The following NEGR1 variants were observed in gnomAD, a reference collection of about 807,000 sequenced individuals.
The protein encoded by NEGR1 is IgLON family member 4.
NEGR1 carries 10 observed loss-of-function variants against 40.9 expected under a neutral mutation model. The observed-to-expected ratio is 0.24, with a 90% CI of 0.15 to 0.42. The LOEUF (loss-of-function observed/expected upper bound fraction) is 0.42. Among genes scored for constraint, NEGR1 ranks in the 10% least tolerant of loss-of-function variants. The pLI, the probability that NEGR1 is intolerant of heterozygous loss-of-function variation, is 1.00. For missense variants in NEGR1, 352 were observed against 438.9 expected (o/e 0.80, Z 1.77); for synonymous variants, 185 against 166.8 (o/e 1.11, Z -0.84).
chr1:71,897,096 AAAG>A (rs1221791251), intron 2 of NEGR1, among the ~76,000 whole-genome samples: 1 of 152,142 alleles, frequency 6.6e-6, no homozygotes, highest in African/African-American at 2.4e-5. Flanking sequence ...CACAGTTAAT[AAAG>A]TAGTTGCTGA....
At chr1:71,983,023 G>A (rs1305614532) in intron 1 of NEGR1, among the ~76,000 whole-genome samples, 4 of 151,972 alleles carry the variant, frequency 2.6e-5, no homozygotes, top group Non-Finnish European at 5.9e-5. Flanking sequence ...AAACAAAACT[G>A]CTGCACATGC....
At chr1:71,825,970 T>C (rs1011923262) in intron 2 of NEGR1, among the ~76,000 whole-genome samples, 12 of 151,882 alleles carry the variant, frequency 7.9e-5, no homozygotes, top group African/African-American at 1.4e-4. Context: ...CTCTCACATA[T>C]AGAATTTTCA....
intron 6 of NEGR1, among the ~76,000 whole-genome samples, chr1:71,569,229 T>G (rs1438224183): frequency 6.6e-6 from 1 of 152,110 alleles, no homozygotes; most frequent in Non-Finnish European, 1.5e-5. Flanking sequence ...AAGGATCCTT[T>G]TTAAGCCTAT....
chr1:72,237,093 C>G (rs1654573651), intron 1 of NEGR1, among the ~76,000 whole-genome samples: 1 of 151,746 alleles, frequency 6.6e-6, no homozygotes, highest in Non-Finnish European at 1.5e-5. Flanking sequence ...AAAATATGTT[C>G]ACAAATTCTA....
intron 1 of NEGR1, among the ~76,000 whole-genome samples, chr1:72,153,404 A>G (rs773813703): frequency 6.6e-6 from 1 of 151,960 alleles, no homozygotes; most frequent in Non-Finnish European, 1.5e-5. Flanking sequence ...TCCAAACTGT[A>G]TCATGATAGC....
chr1:72,156,085 AG>A lies in NEGR1; in HGVS notation c.176+126233del, dbSNP rs369827762. 5.7e-3 allele frequency among the ~76,000 whole-genome samples: 872 copies of A among 151,986 alleles called. 9 individuals carry two copies. The Middle Eastern group carries it at 0.058, about 10-fold the overall frequency. On this transcript the variant is annotated intron_variant, in intron 1 of 6. Transcript: ENST00000357731. ...TGAAAAAGGCCTACAACCTCTTACA[AG>A]AAGTTAACATGATTCTTCTGGAAGA...
In NEGR1 at chr1:71,839,230, G is replaced by A. The variant is rs1273795990; in HGVS notation, c.410-62933C>T. On this transcript the variant is annotated intron_variant, in intron 2 of 6. Transcript: ENST00000357731. ...TTTTTTTTTTTTTTTTTAAGACAGA[G>A]TCTCACTCTGTCAGCCAGGATGGAG... 1.6e-4 allele frequency among the ~76,000 whole-genome samples: 19 copies of A among 122,164 alleles called. No homozygotes were observed. The Admixed American group carries it at 1.9e-3, about 12-fold the overall frequency. The allele number at this position is 122,164 out of a possible 152,430, so 80.1% of individuals were successfully genotyped here.
intron 1 of NEGR1, among the ~76,000 whole-genome samples, chr1:72,140,315 G>T (rs1243485384): frequency 1.3e-5 from 2 of 151,890 alleles, no homozygotes; most frequent in East Asian, 3.9e-4. Flanking sequence ...GAATATCTAA[G>T]AACAGGTAAT....
chr1:72,175,389 A>C (rs1223520248), intron 1 of NEGR1, among the ~76,000 whole-genome samples: 1 of 152,094 alleles, frequency 6.6e-6, no homozygotes, highest in Non-Finnish European at 1.5e-5. Context: ...CCAGATTCCA[A>C]TTAATGTTCT....
At chr1:72,235,985 T>A (rs1038426803) in intron 1 of NEGR1, among the ~76,000 whole-genome samples, 1 of 152,084 alleles carries the variant, frequency 6.6e-6, no homozygotes, top group African/African-American at 2.4e-5. Flanking sequence ...CATGCAAATG[T>A]ATGTTTATTG....
intron 1 of NEGR1, among the ~76,000 whole-genome samples, chr1:72,250,305 C>T (rs1255314136): frequency 6.6e-5 from 10 of 152,132 alleles, no homozygotes; most frequent in African/African-American, 2.4e-4. Flanking sequence ...AATTGATTCT[C>T]TTCCCCTGGG....
chr1:71,413,607 CT>C (rs1458310432), intron 6 of NEGR1, among the ~76,000 whole-genome samples: 4 of 152,120 alleles, frequency 2.6e-5, no homozygotes, highest in Non-Finnish European at 5.9e-5. Flanking sequence ...TCTTCCTTTT[CT>C]TCTCTTTTGC....
At chr1:71,459,173 C>T (rs1044624057) in intron 6 of NEGR1, among the ~76,000 whole-genome samples, 1 of 152,144 alleles carries the variant, frequency 6.6e-6, no homozygotes, top group South Asian at 2.1e-4. Flanking sequence ...ACTATTCCAA[C>T]TTGGGGACGA....
intron 3 of NEGR1, among the ~76,000 whole-genome samples, chr1:71,748,997 T>C (rs780709711): frequency 1.3e-5 from 2 of 152,188 alleles, no homozygotes; most frequent in Admixed American, 6.5e-5. Context: ...AAGATCATAG[T>C]ATTTTTGTTT....
At chr1:71,873,944 GA>G (rs1212556195) in intron 2 of NEGR1, among the ~76,000 whole-genome samples, 1 of 152,172 alleles carries the variant, frequency 6.6e-6, no homozygotes, top group Non-Finnish European at 1.5e-5. Flanking sequence ...ATCAGAGTAA[GA>G]AAGGCATTTT....
intron 1 of NEGR1, among the ~76,000 whole-genome samples, chr1:72,193,073 T>C (rs551548030): frequency 6.6e-6 from 1 of 151,896 alleles, no homozygotes; most frequent in South Asian, 2.1e-4. Context: ...GTTTTAAGTA[T>C]ATAATTAACT....
chr1:71,814,595 T>C (rs1658130805), intron 2 of NEGR1, among the ~76,000 whole-genome samples: 1 of 152,120 alleles, frequency 6.6e-6, no homozygotes, highest in Admixed American at 6.6e-5. Context: ...CAGAACTTAT[T>C]ATTGGTCTAT....
intron 6 of NEGR1, among the ~76,000 whole-genome samples, chr1:71,501,887 A>G (rs1569955150): frequency 6.6e-6 from 1 of 152,240 alleles, no homozygotes; most frequent in Non-Finnish European, 1.5e-5. Context: ...TATATATTCA[A>G]AAGTTAAACA....
chr1:71,440,104 C>T (rs1309353605), intron 6 of NEGR1, among the ~76,000 whole-genome samples: 1 of 152,088 alleles, frequency 6.6e-6, no homozygotes, highest in South Asian at 2.1e-4. Context: ...TCTTTGACTA[C>T]CACAATTTGA....
Sources: allele counts gnomAD v4.1 joint callset (sites outside exome capture counted in the v4.1 genomes callset), GRCh38; gene constraint gnomAD v4.1.1; transcripts MANE v1.5; gene names NCBI Gene and HGNC (gene_info 2026-07-23, HGNC 2026-07-21).